ADAMTS7: variants seen among roughly 807,000 people sequenced by gnomAD.
The protein encoded by ADAMTS7 is A disintegrin and metalloproteinase with thrombospondin motifs 7.
ADAMTS7 carries 89 observed loss-of-function variants against 172.6 expected under a neutral mutation model. The ratio of observed to expected loss-of-function variants is 0.52; its 90% confidence interval spans 0.43 to 0.61. The LOEUF (loss-of-function observed/expected upper bound fraction) is 0.61. Ranked by LOEUF, ADAMTS7 falls within the 20% of genes least tolerant of loss-of-function variation. The pLI, the probability that ADAMTS7 is intolerant of heterozygous loss-of-function variation, is 0.00. For missense variants in ADAMTS7, 1,973 were observed against 2,355.6 expected, an observed-to-expected ratio of 0.84 and a Z score of 3.36; for synonymous variants, 885 against 978.4, an observed-to-expected ratio of 0.90 and a Z score of 1.78.
chr15:78,806,636 G>C (rs1377962730), intron 1 of ADAMTS7, among the ~76,000 whole-genome samples: 1 of 152,080 alleles, frequency 6.6e-6, no homozygotes, highest in African/African-American at 2.4e-5. Context: ...CCAGGTCAAG[G>C]AGACGAAAAT....
Position 78,784,954 on chromosome 15 carries a change from C to T in ADAMTS7, c.1322+3277G>A, listed in dbSNP as rs147857442. On this transcript the variant is annotated intron_variant, in intron 8 of 23. Transcript: ENST00000388820. The stretch of plus-strand genomic sequence containing the variant: ...TCAGAAAGCTGCTTGAGGATGTGCT[C>T]CACCAAAACAAATTAAAAAAAAAAA... Among the ~76,000 whole-genome samples, 1,048 of 151,330 alleles carry T rather than the reference C, an allele frequency of 6.9e-3. 18 individuals are homozygous for T. The highest frequency in any genetic ancestry group is 0.024 in the African/African-American group (1,008 of 41,238).
In ADAMTS7 at chr15:78,771,089, G is replaced by A; in HGVS notation, c.2518+73C>T. On this transcript the variant is annotated intron_variant, in intron 16 of 23. Coordinates refer to ENST00000388820, the MANE Select transcript of ADAMTS7 (RefSeq NM_014272.5). This position sits in a 1 kb window ranked among gnomAD's most constrained non-coding sequence, Gnocchi z 4.9. ...ACCCGTGGTGGCCCAGCAGTGAGCTGGGAGCTGAAGCCAGTGTCCCTGTCC... is the reference window on the plus strand; with the variant it reads ...ACCCGTGGTGGCCCAGCAGTGAGCTAGGAGCTGAAGCCAGTGTCCCTGTCC... 4.0e-6 allele frequency: 6 copies of A among 1,494,358 alleles called. No homozygotes were observed. In the South Asian group the frequency reaches 7.8e-5, roughly 19 times the overall value. The allele number at this position is 1,494,358 out of a possible 1,614,324, so 92.6% of individuals were successfully genotyped here.
chr15:78,781,774 C>A (rs976824204), intron 8 of ADAMTS7, among the ~76,000 whole-genome samples: 3 of 152,198 alleles, frequency 2.0e-5, no homozygotes, highest in Non-Finnish European at 2.9e-5. Context: ...GAAGGAGACA[C>A]ACCCTCCTCC....
At chr15:78,793,297 T>A (rs778173212) in intron 4 of ADAMTS7, among the ~76,000 whole-genome samples, 31 of 152,062 alleles carry the variant, frequency 2.0e-4, no homozygotes, top group Non-Finnish European at 2.9e-4. Flanking sequence ...GGATTCTCAA[T>A]GCATATTTAC....
intron 21 of ADAMTS7, 27 bp downstream of exon 21, chr15:78,763,899 C>A (rs762317795): frequency 6.4e-7 from 1 of 1,559,502 alleles, no homozygotes; most frequent in East Asian, 2.3e-5. Context: ...GGCGTCCCCT[C>A]CCCCCAACTC....
chr15:78,798,222 CT>C, intron 2 of ADAMTS7, 109 bp from the exon 3 acceptor site: 1 of 1,069,954 alleles, frequency 9.3e-7, no homozygotes, highest in Middle Eastern at 3.1e-4. Flanking sequence ...CCCACACCAC[CT>C]GTGACTGCCC....
At chr15:78,795,580 G>A (rs1567235624) in intron 4 of ADAMTS7, among the ~76,000 whole-genome samples, 1 of 152,214 alleles carries the variant, frequency 6.6e-6, no homozygotes, top group Non-Finnish European at 1.5e-5. Flanking sequence ...TGCAGGAGGT[G>A]AGGGGCTGGC....
chr15:78,786,022 T>A (rs60839682), intron 8 of ADAMTS7, among the ~76,000 whole-genome samples: 1 of 125,166 alleles, frequency 8.0e-6, no homozygotes, highest in Admixed American at 8.1e-5. Context: ...CTCCGCCTCC[T>A]GGGTTCAAGT....
chr15:78,789,922 G>A lies in ADAMTS7; in HGVS notation c.1029-84C>T, dbSNP rs6495328. On this transcript the variant is annotated intron_variant, in intron 6 of 23. Transcript: ENST00000388820. The stretch of plus-strand genomic sequence containing the variant: ...GCTAAGGCCAGGGAAGGGTCCCCCC[G>A]AATTGATCCCAAGCGAAAAGGATGT... 0.015 allele frequency: 21,666 copies of A among 1,485,836 alleles called. 2,551 individuals are homozygous for A. The African/African-American group carries it at 0.26, about 18-fold the overall frequency. 92.0% of individuals were successfully genotyped at this position (1,485,836 alleles called of 1,614,324 possible). A position where few individuals can be genotyped will look rare whatever the true frequency, so the allele number is the denominator to read the frequency against.
rs750128218 is a variant in ADAMTS7, at chr15:78,798,089, C to T, written c.481G>A (p.Glu161Lys). 8 of 1,559,588 alleles carry T rather than the reference C, an allele frequency of 5.1e-6. No homozygotes were observed. In the South Asian group the frequency reaches 6.0e-5, roughly 12 times the overall value. Reference protein sequence around the residue: ...GLKGVFQLSNEDYFIEPLDSA... With the variant: ...GLKGVFQLSNKDYFIEPLDSA... ...TCCAGGGGCTCAATGAAGTAGTCCT[C>T]GTTGGAGAGCTGGAACACACCTTTC... is the stretch of plus-strand genomic sequence containing the variant. The change falls in exon 3 of 24, where the codon GAG becomes AAG. Residue 161 changes from glutamate (E) to lysine (K), a missense_variant. Coordinates refer to ENST00000388820, the MANE Select transcript of ADAMTS7 (RefSeq NM_014272.5).
chr15:78,788,499 C>T (rs1038391841), intron 7 of ADAMTS7, 125 bp from the exon 8 acceptor site: 18 of 1,126,846 alleles, frequency 1.6e-5, no homozygotes, highest in Admixed American at 2.3e-5. Flanking sequence ...CCAATGGCTG[C>T]ACCCAATGGC....
At chr15:78,775,356 C>A (rs1269313389) in intron 11 of ADAMTS7, among the ~76,000 whole-genome samples, 2 of 152,220 alleles carry the variant, frequency 1.3e-5, no homozygotes, top group East Asian at 3.9e-4. Flanking sequence ...CTGGCCCCCA[C>A]CCAGCTCAGA....
At chr15:78,801,058 T>G (rs1370657797) in intron 1 of ADAMTS7, among the ~76,000 whole-genome samples, 1 of 152,190 alleles carries the variant, frequency 6.6e-6, no homozygotes, top group Non-Finnish European at 1.5e-5. Flanking sequence ...CTGCGGTAAC[T>G]TCTTAACAGG....
Position 78,771,259 on chromosome 15 carries a change from G to A in ADAMTS7, c.2421C>T (p.Thr807=). The change falls in exon 16 of 24, where the codon ACC becomes ACT. Residue 807 remains threonine (T), a synonymous_variant. Coordinates refer to ENST00000388820, the MANE Select transcript of ADAMTS7 (RefSeq NM_014272.5). The surrounding 1 kb of genome is among the most constrained non-coding windows in gnomAD (Gnocchi z 4.9). ...CGTGGCCACCTGCCTCCCTGTGGAT[G>A]GTGTACTCGTAGTGCACCCCAGGGT... ...ESNPGVHYEY[T]IHREAGGHDE... is the part of the protein sequence containing the mutation. The A allele has an allele frequency of 6.2e-7, 1 of 1,612,640 alleles. No individual in the cohort carries two copies. Among genetic ancestry groups the A allele is most frequent in the Non-Finnish European group, 8.5e-7 (1 of 1,179,722 alleles).
At chr15:78,777,777 C>A (rs569072179) in intron 8 of ADAMTS7, among the ~76,000 whole-genome samples, 189 bp from the exon 9 acceptor site, 31 of 152,294 alleles carry the variant, frequency 2.0e-4, no homozygotes, top group East Asian at 1.5e-3. Context: ...CTCCCGGCCT[C>A]TCTCATCTCA....
At chr15:78,789,878 C>T in intron 6 of ADAMTS7, 40 bp from the exon 7 acceptor site, 1 of 1,546,086 alleles carries the variant, frequency 6.5e-7, no homozygotes. Context: ...TAACCTGGCC[C>T]AGTGCCAGGC....
At chr15:78,794,580 AC>A (rs201794550) in intron 4 of ADAMTS7, among the ~76,000 whole-genome samples, 2,833 of 152,350 alleles carry the variant, frequency 0.019, 45 homozygotes, top group African/African-American at 0.034. Context: ...GATGGGGCTC[AC>A]CAAGTGAATG....
chr15:78,771,543 TCCGCCTCTGCTCCC>T lies in ADAMTS7; in HGVS notation c.2376+28_2376+41del. The T allele has an allele frequency of 6.4e-7, 1 of 1,562,284 alleles. No homozygotes were observed. Among genetic ancestry groups the T allele is most frequent in the Non-Finnish European group, 8.6e-7 (1 of 1,159,150 alleles). On this transcript the variant is annotated intron_variant, in intron 15 of 23. Coordinates refer to ENST00000388820, the MANE Select transcript of ADAMTS7 (RefSeq NM_014272.5). This position sits in a 1 kb window ranked among gnomAD's most constrained non-coding sequence, Gnocchi z 4.9. ...CATGGAGGGTGCTGGGCCTGGGGAC[TCCGCCTCTGCTCCC>T]CCCGCCTGGGCCACGGGAGGCAGGC...
rs527706036 is a variant in ADAMTS7, at chr15:78,760,664, A to C, written c.4904-1086T>G. ...TCACTGCAGTGAGCACACACACACGAGTTTCCCAGCTTTCCACATGTCCCG... is the reference window on the plus strand; with the variant it reads ...TCACTGCAGTGAGCACACACACACGCGTTTCCCAGCTTTCCACATGTCCCG... On this transcript the variant is annotated intron_variant, in intron 23 of 23. Transcript: ENST00000388820. 1.3e-3 allele frequency among the ~76,000 whole-genome samples: 201 copies of C among 152,226 alleles called. 1 individual carries two copies. The highest frequency in any genetic ancestry group is 2.0e-3 in the Non-Finnish European group (139 of 67,992).
Sources: allele counts gnomAD v4.1 joint callset (sites outside exome capture counted in the v4.1 genomes callset), GRCh38; gene constraint gnomAD v4.1.1; non-coding constraint Gnocchi (gnomAD v3.1); transcripts MANE v1.5; gene names NCBI Gene and HGNC (gene_info 2026-07-23, HGNC 2026-07-21).